Variants in SLC25A29 observed in about 807,000 individuals in gnomAD.
SLC25A29 encodes the protein solute carrier family 25 member 29, also known as mitochondrial basic amino acids transporter.
In SLC25A29, 13 loss-of-function variants were observed where a neutral mutation model predicts 10.0. The observed-to-expected ratio is 1.30, with a 90% confidence interval of 0.85 to 2.07. The LOEUF is 2.07. Among genes scored for constraint, SLC25A29 ranks in the 30% most tolerant of loss-of-function variants. SLC25A29 has a pLI of 0.00. For synonymous variants in SLC25A29, 244 were observed against 221.1 expected, an observed-to-expected ratio of 1.10 and a Z score of -0.92; for missense variants, 475 against 447.6, an observed-to-expected ratio of 1.06 and a Z score of -0.55.
At chr14:100,302,780 T>C (rs1362439782) in intron 1 of SLC25A29, among the ~76,000 whole-genome samples, 1 of 152,130 alleles carries the variant, frequency 6.6e-6, no homozygotes, top group Non-Finnish European at 1.5e-5. Context: ...CCAATGTTTT[T>C]TTTTTTTTTC....
chr14:100,284,894 C>T, the SLC25A29 span, among the ~76,000 whole-genome samples: 8 of 152,318 alleles, frequency 5.3e-5, no homozygotes, highest in African/African-American at 1.4e-4. Flanking sequence ...ACAAAATTAG[C>T]CGGGCGTGGT....
Position 100,298,823 on chromosome 14 carries a change from A to T in SLC25A29, c.78+19T>A. The T allele has an allele frequency of 1.2e-6, 2 of 1,614,214 alleles. No individual in the cohort carries two copies. The highest frequency in any genetic ancestry group is 1.7e-6 in the Non-Finnish European group (2 of 1,180,042). ...TCCAATGTACGCGCCGAGGAAAAAA[A>T]AGCAGCGATGAGACTCACCTTGACC... On this transcript the variant is annotated intron_variant, in intron 2 of 3. Transcript: ENST00000359232.
the SLC25A29 span, among the ~76,000 whole-genome samples, chr14:100,285,813 C>T: frequency 6.6e-6 from 1 of 152,058 alleles, no homozygotes; most frequent in Non-Finnish European, 1.5e-5. Context: ...GGGACGCCCC[C>T]CCTTCCCCCC....
At chr14:100,278,786 CGCGCAGGCTGAGCGCCT>C in the SLC25A29 span, 2 of 152,370 alleles carry the variant, frequency 1.3e-5, no homozygotes, top group South Asian at 2.1e-4. Flanking sequence ...TCTGTACCAC[CGCGCAGGCTGAGCGCCT>C]GCGCAGGGTA....
At chr14:100,300,264 G>A (rs558304992) in intron 1 of SLC25A29, among the ~76,000 whole-genome samples, 19 of 152,172 alleles carry the variant, frequency 1.2e-4, no homozygotes, top group African/African-American at 4.1e-4. Flanking sequence ...GCAAGACTCC[G>A]TTTCAAAAAG....
At chr14:100,282,791 A>G in the SLC25A29 span, 2 of 152,244 alleles carry the variant, frequency 1.3e-5, no homozygotes, top group African/African-American at 4.8e-5. Context: ...TAAGCTTTTT[A>G]ATGCCTGTGG....
intron 1 of SLC25A29, chr14:100,305,325 G>T (rs969879734): frequency 6.6e-6 from 1 of 152,218 alleles, no homozygotes; most frequent in African/African-American, 2.4e-5. Context: ...ACAAGGGCAG[G>T]TGCTGGGAGA....
intron 2 of SLC25A29, chr14:100,296,210 G>A: frequency 5.4e-6 from 2 of 368,634 alleles, no homozygotes; most frequent in Non-Finnish European, 1.0e-5. Flanking sequence ...GATCACTTGA[G>A]CCCAGTAGTT....
At chr14:100,304,901 A>T (rs1892811330) in intron 1 of SLC25A29, 1 of 152,226 alleles carries the variant, frequency 6.6e-6, no homozygotes, top group Non-Finnish European at 1.5e-5. Context: ...GCCTGGAAGG[A>T]GGTGTTGGCC....
intron 2 of SLC25A29, chr14:100,294,882 C>T (rs186760267): frequency 6.6e-6 from 1 of 152,326 alleles, no homozygotes; most frequent in Admixed American, 6.5e-5. Context: ...CCCGAAGCAC[C>T]CTCCCACCCT....
At chr14:100,288,255 G>A (rs1425074938), downstream of SLC25A29, among the ~76,000 whole-genome samples, 1 of 151,844 alleles carries the variant, frequency 6.6e-6, no homozygotes. Flanking sequence ...TGGTTGCTGC[G>A]CCTATAATCC....
chr14:100,295,025 C>T (rs1892043302), intron 2 of SLC25A29: 1 of 153,602 alleles, frequency 6.5e-6, no homozygotes, highest in African/African-American at 2.4e-5. Flanking sequence ...GTGAGTAGAA[C>T]TGATGTGACA....
At chr14:100,296,798 C>T (rs1385850344) in intron 2 of SLC25A29, among the ~76,000 whole-genome samples, 5 of 152,094 alleles carry the variant, frequency 3.3e-5, no homozygotes, top group African/African-American at 9.7e-5. Flanking sequence ...CAGAGTTTCA[C>T]CGTGTTAGCC....
downstream of SLC25A29, among the ~76,000 whole-genome samples, chr14:100,286,540 G>A (rs527304280): frequency 2.0e-5 from 3 of 152,184 alleles, no homozygotes; most frequent in African/African-American, 7.2e-5. Flanking sequence ...TCCTGGGGGA[G>A]GTCAAGTCGG....
At chr14:100,284,865 C>A in the SLC25A29 span, among the ~76,000 whole-genome samples, 3 of 152,164 alleles carry the variant, frequency 2.0e-5, no homozygotes, top group Non-Finnish European at 2.9e-5. Flanking sequence ...AATGGAGAAA[C>A]CTCCTCCCTA....
At chr14:100,296,139 T>C in intron 2 of SLC25A29, 1 of 825,452 alleles carries the variant, frequency 1.2e-6, no homozygotes, top group Non-Finnish European at 1.7e-6. Context: ...CCCGTGGTGT[T>C]GGAAGTGAGG....
chr14:100,303,318 A>G (rs1414646977), intron 1 of SLC25A29, among the ~76,000 whole-genome samples: 2 of 152,206 alleles, frequency 1.3e-5, no homozygotes, highest in African/African-American at 4.8e-5. Flanking sequence ...AGGCCCCTCC[A>G]TGTCCCTTGA....
chr14:100,296,850 A>G (rs1022772001), intron 2 of SLC25A29, among the ~76,000 whole-genome samples: 8 of 152,178 alleles, frequency 5.3e-5, no homozygotes, highest in Non-Finnish European at 1.0e-4. Context: ...CGCCCGCCTC[A>G]GCCTCCAGAA....
intron 2 of SLC25A29, chr14:100,296,148 G>A: frequency 1.4e-6 from 1 of 721,348 alleles, no homozygotes; most frequent in African/African-American, 1.9e-5. Flanking sequence ...TTGGAAGTGA[G>A]GACAGTGGGC....
Sources: allele counts gnomAD v4.1 joint callset (sites outside exome capture counted in the v4.1 genomes callset), GRCh38; gene constraint gnomAD v4.1.1; transcripts MANE v1.5; gene names NCBI Gene and HGNC (gene_info 2026-07-23, HGNC 2026-07-21).